The following FAM200B variants were observed in gnomAD, a reference collection of about 807,000 sequenced individuals.
FAM200B encodes the protein protein FAM200B.
Under a neutral mutation model 33.1 loss-of-function variants are expected in FAM200B, and 32 were observed. That is an observed-to-expected ratio of 0.97 (90% CI 0.73 to 1.30). The LOEUF is 1.30. Ranked by LOEUF, FAM200B falls within the 50% of genes most tolerant of loss-of-function variation. The probability of loss-of-function intolerance (pLI) is 0.00; values close to 1 mark genes in which losing one functional copy is unlikely to be tolerated. For missense variants in FAM200B, 741 were observed against 754.0 expected (o/e 0.98, Z 0.20); for synonymous variants, 240 against 264.8 (o/e 0.91, Z 0.91).
At position 15,688,718 on chromosome 4, in the gene FAM200B, T is replaced by C. The variant is rs1719123950; in HGVS notation, c.1741T>C (p.Ser581Pro). The C allele has an allele frequency of 6.4e-7, 1 of 1,550,848 alleles. No individual in the cohort carries two copies. The highest frequency in any genetic ancestry group is 8.7e-7 in the Non-Finnish European group (1 of 1,146,366). ...GAATGATTATGAAACCTTAAGTTTA[T>C]CAGCATTTTGGATGAAGGTAAAGGA... ...LKNDYETLSLSAFWMKVKEDF... is the reference protein window; with the variant it reads ...LKNDYETLSLPAFWMKVKEDF... The change falls in exon 2 of 2, where the codon TCA becomes CCA. Residue 581 changes from serine (S) to proline (P), a missense_variant. Physicochemically the swap from Ser to Pro is moderately conservative, Grantham distance 74. Transcript: ENST00000422728.
upstream of FAM200B, among the ~76,000 whole-genome samples, chr4:15,681,038 CTTG>C (rs1162568630): frequency 2.0e-5 from 3 of 151,368 alleles, no homozygotes; most frequent in African/African-American, 4.8e-5. Flanking sequence ...ACGAACCTAT[CTTG>C]TTAATGATCA....
chr4:15,653,945 G>A, the FAM200B span, among the ~76,000 whole-genome samples: 1 of 152,182 alleles, frequency 6.6e-6, no homozygotes, highest in Admixed American at 6.5e-5. Flanking sequence ...AGCAACCAAG[G>A]TTGCAAACCA....
At chr4:15,641,473 AT>A in the FAM200B span, 3 of 340,410 alleles carry the variant, frequency 8.8e-6, no homozygotes, top group South Asian at 2.3e-5. Context: ...TAGTGAATAG[AT>A]TTTTTTCTTC....
chr4:15,648,791 C>A, the FAM200B span, among the ~76,000 whole-genome samples: 1 of 152,098 alleles, frequency 6.6e-6, no homozygotes, highest in African/African-American at 2.4e-5. Context: ...ATATAAGGTA[C>A]AGTATGGTGA....
the FAM200B span, among the ~76,000 whole-genome samples, chr4:15,641,815 T>A: frequency 6.6e-6 from 1 of 151,974 alleles, no homozygotes; most frequent in South Asian, 2.1e-4. Flanking sequence ...TCACCTGAGG[T>A]CAGGAGTTCA....
the FAM200B span, among the ~76,000 whole-genome samples, chr4:15,647,917 G>A: frequency 2.6e-5 from 4 of 151,482 alleles, no homozygotes; most frequent in Admixed American, 2.0e-4. Flanking sequence ...GCAGTGGCAT[G>A]ATCATAGCTC....
chr4:15,648,814 A>C, the FAM200B span, among the ~76,000 whole-genome samples: 2 of 152,180 alleles, frequency 1.3e-5, no homozygotes, highest in Non-Finnish European at 2.9e-5. Flanking sequence ...ATAGCTAATA[A>C]TACTGTATTA....
At chr4:15,683,840 T>G (rs1204354095) in intron 1 of FAM200B, among the ~76,000 whole-genome samples, 40 of 152,364 alleles carry the variant, frequency 2.6e-4, no homozygotes, top group Non-Finnish European at 1.3e-4. Context: ...AGAGTGTACA[T>G]TGTACAGTTT....
the FAM200B span, among the ~76,000 whole-genome samples, chr4:15,642,630 T>C: frequency 6.6e-6 from 1 of 152,246 alleles, no homozygotes; most frequent in African/African-American, 2.4e-5. Context: ...CTTCCCAATA[T>C]TCAGTCTAAT....
the FAM200B span, chr4:15,641,586 T>G: frequency 2.2e-6 from 1 of 457,428 alleles, no homozygotes; most frequent in African/African-American, 1.9e-5. Flanking sequence ...GTTATTCGAT[T>G]GTTTTATGTT....
chr4:15,640,713 T>A, the FAM200B span: 2 of 765,546 alleles, frequency 2.6e-6, no homozygotes, highest in African/African-American at 3.7e-5. Context: ...ATGCATTATT[T>A]TGAAGAGTCT....
the FAM200B span, among the ~76,000 whole-genome samples, chr4:15,642,020 T>C: frequency 6.6e-6 from 1 of 151,242 alleles, no homozygotes; most frequent in Non-Finnish European, 1.5e-5. Context: ...AGAGCAAGAC[T>C]CTGTCTTAAA....
upstream of FAM200B, among the ~76,000 whole-genome samples, chr4:15,680,657 G>T (rs1420782590): frequency 1.3e-5 from 2 of 152,034 alleles, no homozygotes; most frequent in East Asian, 3.9e-4. Flanking sequence ...GCCTGGGCGA[G>T]AGAGTGAGAC....
the FAM200B span, among the ~76,000 whole-genome samples, chr4:15,644,272 T>A: frequency 0.091 from 13,893 of 152,246 alleles, 779 homozygotes; most frequent in Non-Finnish European, 0.12. Context: ...TCCCTACTTG[T>A]CCTTACTGTA....
chr4:15,661,448 G>A, the FAM200B span, among the ~76,000 whole-genome samples: 1 of 152,182 alleles, frequency 6.6e-6, no homozygotes, highest in Non-Finnish European at 1.5e-5. Flanking sequence ...CCTGTAAAAT[G>A]AGCAGATTGG....
At chr4:15,677,960 TC>T (rs1718057811), upstream of FAM200B, among the ~76,000 whole-genome samples, 1 of 152,168 alleles carries the variant, frequency 6.6e-6, no homozygotes, top group Non-Finnish European at 1.5e-5. Context: ...TGTGCTAACT[TC>T]AGGCAATTAG....
rs1233738725 is a variant in FAM200B at position 15,688,567 on chromosome 4, A to T, written c.1590A>T (p.Thr530=). Reference sequence around the variant, plus strand: ...TCTTTCCAGAAGAAAAATTTGAAACATTAAGGGAAAACAGTTGGGTAAAAG... The same window carrying T: ...TCTTTCCAGAAGAAAAATTTGAAACTTTAAGGGAAAACAGTTGGGTAAAAG... ...NHFFPEEKFE[T]LRENSWVKDP... The change falls in exon 2 of 2, where the codon ACA becomes ACT. Residue 530 remains threonine (T), a synonymous_variant. Coordinates refer to ENST00000422728, the MANE Select transcript of FAM200B (RefSeq NM_001145191.2). 6.4e-7 allele frequency: 1 copy of T among 1,550,768 alleles called. No homozygotes were observed. Among genetic ancestry groups the T allele is most frequent in the Non-Finnish European group, 8.7e-7 (1 of 1,146,388 alleles).
chr4:15,669,184 A>G, the FAM200B span, among the ~76,000 whole-genome samples: 1 of 152,170 alleles, frequency 6.6e-6, no homozygotes, highest in Admixed American at 6.5e-5. Context: ...CAAACATCTG[A>G]GCATACTTAC....
At chr4:15,680,467 T>G (rs1718185364), upstream of FAM200B, among the ~76,000 whole-genome samples, 1 of 152,146 alleles carries the variant, frequency 6.6e-6, no homozygotes, top group Non-Finnish European at 1.5e-5. Context: ...GGTCAGGAGT[T>G]CGAGACCAGC....
Sources: allele counts gnomAD v4.1 joint callset (sites outside exome capture counted in the v4.1 genomes callset), GRCh38; gene constraint gnomAD v4.1.1; transcripts MANE v1.5; gene names NCBI Gene and HGNC (gene_info 2026-07-23, HGNC 2026-07-21).